The following GRM7 variants were observed in gnomAD, a reference collection of about 807,000 sequenced individuals.
GRM7 encodes metabotropic glutamate receptor 7.
GRM7 carries 35 observed loss-of-function variants against 84.5 expected under a neutral mutation model. That is an observed-to-expected ratio of 0.41 (90% CI 0.32 to 0.55). The LOEUF (loss-of-function observed/expected upper bound fraction) is 0.55, where lower values mean the gene tolerates loss of function less well. Ranked by LOEUF, GRM7 falls within the 20% of genes least tolerant of loss-of-function variation. The pLI, the probability that GRM7 is intolerant of heterozygous loss-of-function variation, is 0.19. For synonymous variants in GRM7, 487 were observed against 455.1 expected, an observed-to-expected ratio of 1.07 and a Z score of -0.89; for missense variants, 1,003 against 1,194.6, an observed-to-expected ratio of 0.84 and a Z score of 2.36.
chr3:7,680,975 G>A (rs952326713), intron 9 of GRM7: 12 of 152,444 alleles, frequency 7.9e-5, no homozygotes, highest in Non-Finnish European at 1.2e-4. Context: ...CAAAACTCTA[G>A]GAGCCTTTAG....
chr3:7,494,830 A>T (rs1240076934), intron 7 of GRM7, among the ~76,000 whole-genome samples: 4 of 152,096 alleles, frequency 2.6e-5, no homozygotes, highest in Non-Finnish European at 5.9e-5. Flanking sequence ...GAAAGTCTGC[A>T]GTTTGTTCAT....
At chr3:6,900,998 T>A (rs1559317332) in intron 1 of GRM7, among the ~76,000 whole-genome samples, 1 of 152,242 alleles carries the variant, frequency 6.6e-6, no homozygotes, top group Admixed American at 6.5e-5. Flanking sequence ...ACCCCTCATT[T>A]AAAAAACTGG....
rs534959928 is a variant in GRM7, at chr3:7,572,179, G to T, written c.1516-6243G>T. Among the ~76,000 whole-genome samples the T allele has an allele frequency of 9.3e-4, 142 of 152,310 alleles. 1 individual carries two copies. The South Asian group carries it at 0.028, about 30-fold the overall frequency. ...TCATTATTTCACTTAACAGCACAAA[G>T]ATTTTCTTCTGCATTCCAGCCTTTT... On this transcript the variant is annotated intron_variant, in intron 7 of 9. Coordinates refer to ENST00000357716, the MANE Select transcript of GRM7 (RefSeq NM_000844.4).
chr3:6,990,642 A>G (rs557903923), intron 1 of GRM7, among the ~76,000 whole-genome samples: 1 of 151,956 alleles, frequency 6.6e-6, no homozygotes, highest in South Asian at 2.1e-4. Context: ...CTGCTTTTTC[A>G]TTTTTCTTTA....
At chr3:7,204,575 T>G (rs1020729378) in intron 2 of GRM7, among the ~76,000 whole-genome samples, 35 of 152,194 alleles carry the variant, frequency 2.3e-4, no homozygotes, top group African/African-American at 8.4e-4. Flanking sequence ...AGCTACCTTG[T>G]GGGGAAGGAT....
chr3:6,942,990 T>C (rs1216411818), intron 1 of GRM7, among the ~76,000 whole-genome samples: 2 of 152,084 alleles, frequency 1.3e-5, no homozygotes, highest in East Asian at 1.9e-4. Flanking sequence ...TATTATATCA[T>C]TGGATTATTT....
At chr3:6,892,023 A>T (rs1332534058) in intron 1 of GRM7, among the ~76,000 whole-genome samples, 1 of 152,132 alleles carries the variant, frequency 6.6e-6, no homozygotes, top group East Asian at 1.9e-4. Context: ...AGTTGGTTGC[A>T]TCGGCTCCTG....
chr3:7,041,820 A>T (rs1438077071), intron 1 of GRM7, among the ~76,000 whole-genome samples: 2 of 152,234 alleles, frequency 1.3e-5, no homozygotes, highest in Non-Finnish European at 2.9e-5. Flanking sequence ...CACCATGGAA[A>T]AAAACAAGAC....
chr3:7,515,152 C>T (rs927161969), intron 7 of GRM7, among the ~76,000 whole-genome samples: 1 of 146,230 alleles, frequency 6.8e-6, no homozygotes, highest in African/African-American at 2.5e-5. Flanking sequence ...GTGAAATGCC[C>T]AAGAGATGCC....
At chr3:7,357,220 T>G (rs943959004) in intron 4 of GRM7, among the ~76,000 whole-genome samples, 21 of 151,764 alleles carry the variant, frequency 1.4e-4, no homozygotes, top group African/African-American at 5.1e-4. Flanking sequence ...CAAATCCAAT[T>G]TTACTACTTC....
At chr3:7,447,893 T>TC (rs1200617781) in intron 5 of GRM7, among the ~76,000 whole-genome samples, 1 of 82,064 alleles carries the variant, frequency 1.2e-5, no homozygotes, top group Non-Finnish European at 2.3e-5. Context: ...ATGCTATCCC[T>TC]CCCCCCTCCC....
Position 7,740,582 on chromosome 3 carries a change from A to T in GRM7, c.*176A>T. On this transcript the variant is annotated 3_prime_UTR_variant, in exon 10 of 10. Transcript: ENST00000357716. ...AACAGCTGCTTTATGAAATATCCTT[A>T]CTTTATCTGGGCTTAATAAGTCACT... 1 of 464,430 alleles carries T rather than the reference A, an allele frequency of 2.2e-6. No homozygotes were observed. The highest frequency in any genetic ancestry group is 3.8e-6 in the Non-Finnish European group (1 of 260,850). The allele number at this position is 464,430 out of a possible 1,614,324, so 28.8% of individuals were successfully genotyped here. A position where few individuals can be genotyped will look rare whatever the true frequency, so the allele number is the denominator to read the frequency against.
At chr3:7,304,264 T>C (rs1251128058) in intron 3 of GRM7, among the ~76,000 whole-genome samples, 1 of 151,432 alleles carries the variant, frequency 6.6e-6, no homozygotes, top group Non-Finnish European at 1.5e-5. Context: ...TAAAGTCTTT[T>C]TGTCAGAATA....
intron 7 of GRM7, among the ~76,000 whole-genome samples, chr3:7,567,439 T>G (rs919666682): frequency 2.6e-5 from 4 of 152,066 alleles, no homozygotes; most frequent in Non-Finnish European, 1.5e-5. Flanking sequence ...AGGAGAAGTT[T>G]CAGCAAATGT....
chr3:7,649,821 G>GA (rs58013545), intron 8 of GRM7, among the ~76,000 whole-genome samples: 92,505 of 149,102 alleles, frequency 0.62, 28,656 homozygotes, highest in African/African-American at 0.65. Flanking sequence ...GCTGGCAAAA[G>GA]AAAAAAAAAA....
chr3:7,305,266 A>G (rs936184121), intron 3 of GRM7, among the ~76,000 whole-genome samples: 3 of 148,654 alleles, frequency 2.0e-5, no homozygotes, highest in Non-Finnish European at 4.5e-5. Flanking sequence ...TTTTGTTACC[A>G]TCTCTTATCC....
At chr3:6,890,807 G>C (rs1255893065) in intron 1 of GRM7, among the ~76,000 whole-genome samples, 1 of 152,102 alleles carries the variant, frequency 6.6e-6, no homozygotes, top group African/African-American at 2.4e-5. Context: ...CTGTCTCGTT[G>C]ATCTGTCTAA....
At chr3:7,336,255 A>C (rs1701416771) in intron 4 of GRM7, among the ~76,000 whole-genome samples, 1 of 152,170 alleles carries the variant, frequency 6.6e-6, no homozygotes, top group South Asian at 2.1e-4. Context: ...AAGTCAATAA[A>C]CTTGATATAG....
At chr3:7,323,203 G>T (rs1700854399) in intron 4 of GRM7, among the ~76,000 whole-genome samples, 2 of 152,162 alleles carry the variant, frequency 1.3e-5, no homozygotes, top group Admixed American at 1.3e-4. Flanking sequence ...TTTGGAGTCA[G>T]CTCCTGTTCA....
Sources: allele counts gnomAD v4.1 joint callset (sites outside exome capture counted in the v4.1 genomes callset), GRCh38; gene constraint gnomAD v4.1.1; transcripts MANE v1.5; gene names NCBI Gene and HGNC (gene_info 2026-07-23, HGNC 2026-07-21).